Variants in FAT3 observed in about 807,000 individuals in gnomAD.
The protein encoded by FAT3 is FAT atypical cadherin 3, also known as protocadherin Fat 3.
FAT3 carries 95 observed loss-of-function variants against 310.2 expected under a neutral mutation model. That is an observed-to-expected ratio of 0.31 (90% CI 0.26 to 0.36). FAT3 has a LOEUF of 0.36. FAT3 is among the 10% of genes least tolerant of loss of function. The probability of loss-of-function intolerance (pLI) is 1.00; values close to 1 mark genes in which losing one functional copy is unlikely to be tolerated. For synonymous variants in FAT3, 2,314 were observed against 2,192.9 expected (o/e 1.06, Z -1.54); for missense variants, 5,408 against 5,715.6 (o/e 0.95, Z 1.74).
chr11:92,702,838 C>T (rs1434220987), intron 4 of FAT3, among the ~76,000 whole-genome samples: 1 of 151,968 alleles, frequency 6.6e-6, no homozygotes, highest in Non-Finnish European at 1.5e-5. Flanking sequence ...AAAGAGAACA[C>T]AGAGAGTGTT....
chr11:92,814,811 G>A (rs1012043322), intron 13 of FAT3, among the ~76,000 whole-genome samples: 1 of 152,148 alleles, frequency 6.6e-6, no homozygotes, highest in Non-Finnish European at 1.5e-5. Context: ...AACCACCATG[G>A]CACATATATA....
At chr11:92,403,658 G>C (rs749575486) in intron 2 of FAT3, among the ~76,000 whole-genome samples, 2 of 152,134 alleles carry the variant, frequency 1.3e-5, no homozygotes, top group Non-Finnish European at 2.9e-5. Context: ...ACTACTAAAG[G>C]CCCAGGGCGG....
In FAT3 at chr11:92,817,036, T is replaced by C. The variant is rs151138056; in HGVS notation, c.9481+6960T>C. On this transcript the variant is annotated intron_variant, in intron 13 of 27. Coordinates refer to ENST00000525166, the MANE Select transcript of FAT3 (RefSeq NM_001367949.2). ...AGGAAAGAGAGGCAGAAAGGGAAAA[T>C]TGAAACACAAAGGAAGATGCTCAAA... 1.6e-3 allele frequency among the ~76,000 whole-genome samples: 248 copies of C among 150,694 alleles called. 1 individual carries two copies. Among genetic ancestry groups the C allele is most frequent in the African/African-American group, 5.2e-3 (215 of 41,068 alleles).
intron 1 of FAT3, among the ~76,000 whole-genome samples, chr11:92,242,629 A>G (rs1321272073): frequency 1.3e-5 from 2 of 152,012 alleles, no homozygotes; most frequent in African/African-American, 2.4e-5. Context: ...AATGAGACCT[A>G]TAGGCAATTA....
chr11:92,868,256 T>C (rs1333597178), intron 22 of FAT3, among the ~76,000 whole-genome samples: 1 of 152,214 alleles, frequency 6.6e-6, no homozygotes, highest in Non-Finnish European at 1.5e-5. Flanking sequence ...ATTAGAATGT[T>C]ATAAACTGTC....
chr11:92,301,686 T>C (rs889975067), intron 1 of FAT3, among the ~76,000 whole-genome samples: 1 of 152,122 alleles, frequency 6.6e-6, no homozygotes. Flanking sequence ...TTATTGTTCC[T>C]TTATTCTGAG....
At chr11:92,834,804 G>A (rs1948356473) in intron 14 of FAT3, 66 bp from the exon 15 acceptor site, 1 of 1,330,038 alleles carries the variant, frequency 7.5e-7, no homozygotes, top group Admixed American at 2.3e-5. Context: ...ATATTACCAT[G>A]ATTATAGAAT....
intron 3 of FAT3, among the ~76,000 whole-genome samples, chr11:92,568,553 G>A (rs1189806306): frequency 6.6e-6 from 1 of 152,062 alleles, no homozygotes; most frequent in East Asian, 1.9e-4. Context: ...GAAAATCTCA[G>A]GCAACATTTA....
At chr11:92,433,946 G>A (rs1213227860) in intron 2 of FAT3, among the ~76,000 whole-genome samples, 1 of 151,676 alleles carries the variant, frequency 6.6e-6, no homozygotes, top group African/African-American at 2.4e-5. Flanking sequence ...AACCCGGGAG[G>A]TGGAGTTTGC....
At chr11:92,572,314 G>C (rs1938210757) in intron 3 of FAT3, among the ~76,000 whole-genome samples, 1 of 152,150 alleles carries the variant, frequency 6.6e-6, no homozygotes, top group Non-Finnish European at 1.5e-5. Flanking sequence ...ATGTACAAAA[G>C]CTGATAGATT....
At chr11:92,488,121 C>T (rs1288516275) in intron 2 of FAT3, among the ~76,000 whole-genome samples, 2 of 152,174 alleles carry the variant, frequency 1.3e-5, no homozygotes, top group East Asian at 1.9e-4. Flanking sequence ...AGTAGCCATG[C>T]TGAGCAAGCT....
chr11:92,459,655 TTTTCAATTTTGG>T (rs1951586229), intron 2 of FAT3, among the ~76,000 whole-genome samples: 1 of 152,192 alleles, frequency 6.6e-6, no homozygotes, highest in Non-Finnish European at 1.5e-5. Flanking sequence ...TGGTCAAACC[TTTTCAATTTTGG>T]AGCAGATGGG....
chr11:92,549,085 A>G (rs1954715006), intron 3 of FAT3, among the ~76,000 whole-genome samples: 1 of 152,202 alleles, frequency 6.6e-6, no homozygotes, highest in East Asian at 1.9e-4. Context: ...AAACACCTTT[A>G]TAGATTACTT....
At chr11:92,494,585 A>G (rs1223925568) in intron 2 of FAT3, among the ~76,000 whole-genome samples, 2 of 152,128 alleles carry the variant, frequency 1.3e-5, no homozygotes, top group Non-Finnish European at 2.9e-5. Context: ...TTAATTTTTA[A>G]TAACTGTAGC....
At chr11:92,775,083 C>G (rs1242175374) in intron 7 of FAT3, among the ~76,000 whole-genome samples, 1 of 152,120 alleles carries the variant, frequency 6.6e-6, no homozygotes, top group African/African-American at 2.4e-5. Context: ...CTACTGCGCT[C>G]TGAGATTCCC....
chr11:92,420,341 C>T (rs956301688), intron 2 of FAT3, among the ~76,000 whole-genome samples: 1 of 152,138 alleles, frequency 6.6e-6, no homozygotes, highest in Non-Finnish European at 1.5e-5. Context: ...TTCTGCTTTC[C>T]CAAAAGTGGC....
At chr11:92,368,096 C>T (rs188924295) in intron 2 of FAT3, among the ~76,000 whole-genome samples, 95 of 152,280 alleles carry the variant, frequency 6.2e-4, no homozygotes, top group African/African-American at 2.1e-3. Context: ...TTTTAAATGT[C>T]TGACACACCT....
chr11:92,541,581 C>A lies in FAT3; in HGVS notation c.3607+16633C>A, dbSNP rs548523863. Among the ~76,000 whole-genome samples the A allele has an allele frequency of 2.4e-4, 37 of 152,166 alleles. No individual in the cohort carries two copies. In the South Asian group the frequency reaches 7.5e-3, roughly 31 times the overall value. ...TATTCATAAAAGAAAATTAAGAGAT[C>A]ATTAATCTCTTTTTAAACTGGTTTA... On this transcript the variant is annotated intron_variant, in intron 3 of 27. Coordinates refer to ENST00000525166, the MANE Select transcript of FAT3 (RefSeq NM_001367949.2).
intron 2 of FAT3, among the ~76,000 whole-genome samples, chr11:92,403,818 C>T (rs501843): frequency 0.11 from 16,493 of 152,140 alleles, 943 homozygotes; most frequent in South Asian, 0.18. Flanking sequence ...GGGAGGATCA[C>T]GAGGTCAGGA....
Sources: allele counts gnomAD v4.1 joint callset (sites outside exome capture counted in the v4.1 genomes callset), GRCh38; gene constraint gnomAD v4.1.1; transcripts MANE v1.5; gene names NCBI Gene and HGNC (gene_info 2026-07-23, HGNC 2026-07-21).